The following DLG5 variants were observed in gnomAD, a reference collection of about 807,000 sequenced individuals.
DLG5 encodes the protein discs large MAGUK scaffold protein 5.
DLG5 carries 48 observed loss-of-function variants against 189.8 expected under a neutral mutation model. The observed-to-expected ratio is 0.25, with a 90% CI of 0.20 to 0.32. DLG5 has a LOEUF of 0.32. Among genes scored for constraint, DLG5 ranks in the 10% least tolerant of loss-of-function variants. The pLI is 1.00. For synonymous variants in DLG5, 1,016 were observed against 1,054.1 expected, an observed-to-expected ratio of 0.96 and a Z score of 0.70; for missense variants, 2,160 against 2,544.7, an observed-to-expected ratio of 0.85 and a Z score of 3.25.
At chr10:77,913,113 A>C (rs926385912) in intron 1 of DLG5, among the ~76,000 whole-genome samples, 1 of 152,228 alleles carries the variant, frequency 6.6e-6, no homozygotes, top group Non-Finnish European at 1.5e-5. Flanking sequence ...AAGTCATAAA[A>C]GACATTTACA....
At chr10:77,912,517 G>C (rs529517593) in intron 1 of DLG5, 1 of 152,006 alleles carries the variant, frequency 6.6e-6, no homozygotes, top group Admixed American at 6.6e-5. Context: ...CAAGTAGCTA[G>C]GACTACAGGA....
chr10:77,892,797 ATTTGTCCATTTTAAAGGGTAATCAAG>A (rs1283403999), intron 1 of DLG5, among the ~76,000 whole-genome samples: 1 of 152,248 alleles, frequency 6.6e-6, no homozygotes, highest in African/African-American at 2.4e-5. Flanking sequence ...TATATACAGT[ATTTGTCCATTTTAAAGGGTAATCAAG>A]TTTTTAAAAT....
intron 2 of DLG5, among the ~76,000 whole-genome samples, chr10:77,867,725 C>T (rs1177366600): frequency 6.6e-6 from 1 of 152,232 alleles, no homozygotes; most frequent in African/African-American, 2.4e-5. Context: ...GAATGTGAAC[C>T]TTATTTGGAA....
intron 1 of DLG5, among the ~76,000 whole-genome samples, chr10:77,900,111 C>T (rs1845880626): frequency 6.6e-6 from 1 of 152,114 alleles, no homozygotes; most frequent in Non-Finnish European, 1.5e-5. Context: ...TAAAATTCGT[C>T]TTATTGCTTG....
At chr10:77,830,371 C>G (rs1432997561) in intron 10 of DLG5, 27 bp from the exon 11 acceptor site, 1 of 1,614,022 alleles carries the variant, frequency 6.2e-7, no homozygotes, top group Non-Finnish European at 8.5e-7. Context: ...AACAGCAACG[C>G]ATTTCACAAA....
chr10:77,849,275 G>C (rs1397781877), intron 5 of DLG5, among the ~76,000 whole-genome samples: 2 of 152,276 alleles, frequency 1.3e-5, no homozygotes, highest in Non-Finnish European at 2.9e-5. Context: ...TACAAGGCGT[G>C]GGAGGAACCC....
intron 1 of DLG5, among the ~76,000 whole-genome samples, chr10:77,924,195 A>G (rs1439583258): frequency 6.6e-6 from 1 of 152,148 alleles, no homozygotes; most frequent in African/African-American, 2.4e-5. Flanking sequence ...AGTAAAATGA[A>G]CTTAACTTCT....
In DLG5 at chr10:77,869,152, C is replaced by T. The variant is rs995911340; in HGVS notation, c.350G>A (p.Ser117Asn). 5.6e-6 allele frequency: 9 copies of T among 1,613,818 alleles called. No homozygotes were observed. Among genetic ancestry groups the T allele is most frequent in the Non-Finnish European group, 7.6e-6 (9 of 1,179,962 alleles). The part of the protein sequence containing the change: ...VLSTMPSDSE[S>N]SSSLSSVGTT... ...ACCCACACTGCTGAGGGAGCTGCTG[C>T]TTTCTGAGTCTGAGGGCATGGTGGA... Residue 117 changes from serine (S) to asparagine (N), a missense_variant, in exon 2 of 32, where the codon AGC (serine) becomes AAC (asparagine). By Grantham distance (46) the Ser-to-Asn change is conservative (BLOSUM62 1). Transcript: ENST00000372391.
chr10:77,796,940 G>A lies in DLG5; in HGVS notation c.5165-346C>T, dbSNP rs1840955701. ...CAAGGCAGCCTCTGGGGTTTGGCAG[G>A]TAAAGCTCCCACTCCCCAGGAAGGT... On this transcript the variant is annotated intron_variant, in intron 27 of 31. Transcript: ENST00000372391. The surrounding 1 kb of genome is among the most constrained non-coding windows in gnomAD (Gnocchi z 5.2). 6.6e-6 allele frequency among the ~76,000 whole-genome samples: 1 copy of A among 152,152 alleles called. No individual in the cohort carries two copies. The highest frequency in any genetic ancestry group is 2.1e-4 in the South Asian group (1 of 4,828).
Position 77,881,686 on chromosome 10 carries a change from T to C in DLG5, c.305-12489A>G, listed in dbSNP as rs538884044. ...TTCAGGAAGCTGTTTATGATTCTGA[T>C]GCTTAGACCAAATGCAAAAGAACTG... On this transcript the variant is annotated intron_variant, in intron 1 of 31. Coordinates refer to ENST00000372391, the MANE Select transcript of DLG5 (RefSeq NM_004747.4). Among the ~76,000 whole-genome samples the C allele has an allele frequency of 2.2e-4, 33 of 152,352 alleles. 1 individual carries two copies. The highest frequency in any genetic ancestry group is 7.9e-4 in the African/African-American group (33 of 41,582).
chr10:77,853,620 C>G (rs1844089265), intron 4 of DLG5, 83 bp from the exon 5 acceptor site: 24 of 1,333,688 alleles, frequency 1.8e-5, no homozygotes, highest in Non-Finnish European at 2.4e-5. Flanking sequence ...AGCCTCAGGT[C>G]CCAACACTTC....
At chr10:77,834,439 C>T (rs1843025470) in intron 8 of DLG5, among the ~76,000 whole-genome samples, 1 of 152,160 alleles carries the variant, frequency 6.6e-6, no homozygotes, top group African/African-American at 2.4e-5. Flanking sequence ...TGTGCTCCAG[C>T]ACTACCACAT....
chr10:77,885,705 G>A (rs1197059121), intron 1 of DLG5, among the ~76,000 whole-genome samples: 3 of 152,230 alleles, frequency 2.0e-5, no homozygotes, highest in Non-Finnish European at 2.9e-5. Context: ...CAAATGCTTA[G>A]TGAAAGTGTG....
chr10:77,877,633 G>C (rs116976309), intron 1 of DLG5, among the ~76,000 whole-genome samples: 1 of 152,134 alleles, frequency 6.6e-6, no homozygotes, highest in Non-Finnish European at 1.5e-5. Flanking sequence ...ACCACCTCTC[G>C]GTTCCTGCTT....
intron 1 of DLG5, among the ~76,000 whole-genome samples, chr10:77,879,852 T>C (rs1255912574): frequency 6.6e-6 from 1 of 151,766 alleles, no homozygotes; most frequent in Admixed American, 6.6e-5. Flanking sequence ...CCGCGGGGCC[T>C]GGTCATGCGT....
At chr10:77,922,512 T>C (rs1176249208) in intron 1 of DLG5, among the ~76,000 whole-genome samples, 5 of 152,138 alleles carry the variant, frequency 3.3e-5, no homozygotes, top group Admixed American at 3.3e-4. Flanking sequence ...AAAAGAAAGC[T>C]ACATAATTTC....
intron 7 of DLG5, among the ~76,000 whole-genome samples, chr10:77,836,370 C>A (rs1347734176): frequency 1.3e-5 from 2 of 152,096 alleles, no homozygotes; most frequent in Non-Finnish European, 2.9e-5. Flanking sequence ...AGGGAAATGA[C>A]GGATGACAAA....
intron 27 of DLG5, among the ~76,000 whole-genome samples, chr10:77,802,680 C>T (rs1841272993): frequency 6.6e-6 from 1 of 152,190 alleles, no homozygotes; most frequent in African/African-American, 2.4e-5. Context: ...AGGCGGCTCA[C>T]TTGAGGTCAG....
chr10:77,876,373 CTTTTTTTTT>C (rs60644218), intron 1 of DLG5, among the ~76,000 whole-genome samples: 2 of 134,914 alleles, frequency 1.5e-5, no homozygotes, highest in African/African-American at 2.7e-5. Context: ...CCCCATCTCT[CTTTTTTTTT>C]TTTTTTTTTT....
Sources: allele counts gnomAD v4.1 joint callset (sites outside exome capture counted in the v4.1 genomes callset), GRCh38; gene constraint gnomAD v4.1.1; non-coding constraint Gnocchi (gnomAD v3.1); transcripts MANE v1.5; gene names NCBI Gene and HGNC (gene_info 2026-07-23, HGNC 2026-07-21).